COL6A5: variants seen among roughly 807,000 people sequenced by gnomAD.
The protein encoded by COL6A5 is collagen type VI alpha 5 chain, also known as collagen alpha-5(VI) chain.
COL6A5 carries 48 observed loss-of-function variants against 65.6 expected under a neutral mutation model. That is an observed-to-expected ratio of 0.73 (90% CI 0.58 to 0.93). COL6A5 has a LOEUF of 0.93. COL6A5 is among the 40% of genes least tolerant of loss of function. The pLI, the probability that COL6A5 is intolerant of heterozygous loss-of-function variation, is 0.00. For missense variants in COL6A5, 914 were observed against 928.3 expected (o/e 0.98, Z 0.20); for synonymous variants, 291 against 322.8 (o/e 0.90, Z 1.05).
At chr3:130,463,817 C>T (rs1709753122) in intron 5 of COL6A5, among the ~76,000 whole-genome samples, 1 of 152,042 alleles carries the variant, frequency 6.6e-6, no homozygotes, top group African/African-American at 2.4e-5. Context: ...AATTTAGACT[C>T]CAAGTAGAAT....
intron 1 of COL6A5, among the ~76,000 whole-genome samples, chr3:130,356,559 C>A (rs189739847): frequency 6.7e-6 from 1 of 150,328 alleles, no homozygotes; most frequent in East Asian, 2.0e-4. Context: ...TTGCACCGAC[C>A]TAATATATAC....
At chr3:130,401,841 T>C in exon 12 of COL6A5, 2 of 1,551,066 alleles carry the variant, frequency 1.3e-6, no homozygotes, top group Non-Finnish European at 1.7e-6. Context: ...ACCCGAGGAC[T>C]ACAAGCCATG....
At chr3:130,369,659 G>T (rs991913700) in intron 1 of COL6A5, among the ~76,000 whole-genome samples, 3 of 152,146 alleles carry the variant, frequency 2.0e-5, no homozygotes, top group African/African-American at 7.2e-5. Flanking sequence ...TTGACCAAAG[G>T]AATGCAATCA....
chr3:130,452,646 G>A (rs917367969), intron 4 of COL6A5, among the ~76,000 whole-genome samples: 7 of 152,152 alleles, frequency 4.6e-5, no homozygotes, highest in South Asian at 2.1e-4. Flanking sequence ...GGACTGGGGC[G>A]AAATTAAAAT....
chr3:130,460,634 G>A (rs1029964195), intron 5 of COL6A5, among the ~76,000 whole-genome samples: 4 of 152,042 alleles, frequency 2.6e-5, no homozygotes, highest in African/African-American at 4.8e-5. Flanking sequence ...GGTGATGGAG[G>A]CGGTGGTGAT....
chr3:130,419,713 A>T (rs1937469272), intron 25 of COL6A5, among the ~76,000 whole-genome samples: 1 of 152,162 alleles, frequency 6.6e-6, no homozygotes, highest in South Asian at 2.1e-4. Flanking sequence ...ATGTAAAAGA[A>T]AGTCAAAATC....
At chr3:130,426,611 G>T (rs1472264072), upstream of COL6A5, among the ~76,000 whole-genome samples, 2 of 152,066 alleles carry the variant, frequency 1.3e-5, no homozygotes, top group East Asian at 1.9e-4. Flanking sequence ...GCTCATGAGG[G>T]GCAATGCAGA....
chr3:130,397,864 G>T, exon 9 of COL6A5: 1 of 1,551,668 alleles, frequency 6.4e-7, no homozygotes. Flanking sequence ...TCATCTGAAC[G>T]CACAGTTCTT....
chr3:130,458,431 A>G (rs1162121483), intron 5 of COL6A5, among the ~76,000 whole-genome samples: 1 of 152,152 alleles, frequency 6.6e-6, no homozygotes, highest in Non-Finnish European at 1.5e-5. Context: ...AAGCAGCATC[A>G]GCATCACCTG....
At chr3:130,418,555 T>C (rs1937424453) in intron 24 of COL6A5, among the ~76,000 whole-genome samples, 1 of 152,158 alleles carries the variant, frequency 6.6e-6, no homozygotes, top group Non-Finnish European at 1.5e-5. Flanking sequence ...TGCAGTTCAA[T>C]AAGTAATTGT....
intron 5 of COL6A5, among the ~76,000 whole-genome samples, chr3:130,467,035 C>T (rs898383978): frequency 1.3e-5 from 2 of 151,724 alleles, no homozygotes; most frequent in Non-Finnish European, 2.9e-5. Flanking sequence ...GAAATAATAC[C>T]AATTCTACAA....
chr3:130,410,537 G>A lies in COL6A5; in HGVS notation c.4662+13G>A, dbSNP rs2107673984. ...CAGAGGCAGCAGGGTAAGTATTTCTGTGGACATTTATTTCCCCTCCTTGCC... is the reference window on the plus strand; with the variant it reads ...CAGAGGCAGCAGGGTAAGTATTTCTATGGACATTTATTTCCCCTCCTTGCC... On this transcript the variant is annotated intron_variant and NMD_transcript_variant, in intron 20 of 41. Coordinates refer to the COL6A5 transcript ENST00000312481. 6.5e-7 allele frequency: 1 copy of A among 1,548,734 alleles called. No individual in the cohort carries two copies. Among genetic ancestry groups the A allele is most frequent in the Non-Finnish European group, 8.7e-7 (1 of 1,144,514 alleles).
At chr3:130,472,279 T>C (rs1709971510) in intron 7 of COL6A5, among the ~76,000 whole-genome samples, 1 of 151,922 alleles carries the variant, frequency 6.6e-6, no homozygotes. Context: ...CTCCAGAGTT[T>C]TAATACTCGA....
chr3:130,432,292 T>C (rs192395255), intron 1 of COL6A5, among the ~76,000 whole-genome samples: 14 of 152,234 alleles, frequency 9.2e-5, no homozygotes, highest in East Asian at 5.8e-4. Context: ...CGGTGGCTCA[T>C]GCCTGTAATC....
At chr3:130,475,083 T>C (rs528174299) in intron 7 of COL6A5, among the ~76,000 whole-genome samples, 83 of 149,484 alleles carry the variant, frequency 5.6e-4, no homozygotes, top group African/African-American at 1.5e-3. Context: ...AGATTAATTA[T>C]GCAATTATAC....
At chr3:130,358,137 C>A (rs1185865633) in intron 1 of COL6A5, among the ~76,000 whole-genome samples, 1 of 151,660 alleles carries the variant, frequency 6.6e-6, no homozygotes, top group African/African-American at 2.4e-5. Context: ...TGCAGTGAGC[C>A]GAGATTGCAC....
chr3:130,380,490 C>T (rs551751770), intron 4 of COL6A5, among the ~76,000 whole-genome samples: 1 of 152,146 alleles, frequency 6.6e-6, no homozygotes, highest in South Asian at 2.1e-4. Context: ...TTCATTCATG[C>T]ACACATAGAC....
exon 8 of COL6A5, chr3:130,395,179 G>A: frequency 6.4e-7 from 1 of 1,551,656 alleles, no homozygotes; most frequent in South Asian, 1.2e-5. Flanking sequence ...TGAGCAATAT[G>A]TTTAATCTAC....
intron 23 of COL6A5, among the ~76,000 whole-genome samples, chr3:130,415,990 C>T (rs1023616466): frequency 1.3e-5 from 2 of 152,074 alleles, no homozygotes; most frequent in African/African-American, 4.8e-5. Context: ...AACATTTTCT[C>T]CAAAAACTGA....
Sources: allele counts gnomAD v4.1 joint callset (sites outside exome capture counted in the v4.1 genomes callset), GRCh38; gene constraint gnomAD v4.1.1; transcripts MANE v1.5; gene names NCBI Gene and HGNC (gene_info 2026-07-23, HGNC 2026-07-21).